The following TP63 variants were observed in gnomAD, a reference collection of about 807,000 sequenced individuals.
The protein encoded by TP63 is tumor protein p63, also known as tumor protein 63.
Under a neutral mutation model 82.8 loss-of-function variants are expected in TP63, and 17 were observed. The ratio of observed to expected loss-of-function variants is 0.21; its 90% CI spans 0.14 to 0.31. TP63 has a LOEUF of 0.31. TP63 is among the 10% of genes least tolerant of loss of function. The probability of loss-of-function intolerance (pLI) is 1.00; values close to 1 mark genes in which losing one functional copy is unlikely to be tolerated. For missense variants in TP63, 648 were observed against 895.3 expected (o/e 0.72, Z 3.52); for synonymous variants, 330 against 321.7 (o/e 1.03, Z -0.28).
At chr3:189,742,000 T>C (rs1044172253) in intron 3 of TP63, among the ~76,000 whole-genome samples, 2 of 152,058 alleles carry the variant, frequency 1.3e-5, no homozygotes, top group Admixed American at 6.6e-5. Flanking sequence ...CTCAGCACTT[T>C]GGGAGGCCGA....
At chr3:189,887,945 C>T (rs1720635721) in intron 11 of TP63, among the ~76,000 whole-genome samples, 1 of 151,866 alleles carries the variant, frequency 6.6e-6, no homozygotes, top group African/African-American at 2.4e-5. Flanking sequence ...TAATCTCTGC[C>T]TCCCAGGTTC....
intron 1 of TP63, among the ~76,000 whole-genome samples, chr3:189,702,537 G>A (rs1398964477): frequency 6.6e-6 from 1 of 152,136 alleles, no homozygotes; most frequent in Non-Finnish European, 1.5e-5. Flanking sequence ...CATTCCAAAT[G>A]TTTCCTCTCC....
chr3:189,641,164 A>G (rs1711835274), intron 1 of TP63, among the ~76,000 whole-genome samples: 1 of 152,148 alleles, frequency 6.6e-6, no homozygotes, highest in African/African-American at 2.4e-5. Context: ...TGAAAGCTAC[A>G]AAACTACTTA....
intron 4 of TP63, among the ~76,000 whole-genome samples, chr3:189,821,218 A>G (rs572777867): frequency 1.2e-4 from 18 of 152,342 alleles, no homozygotes; most frequent in African/African-American, 3.8e-4. Context: ...ATTTTCATAT[A>G]GAAGCATTTT....
chr3:189,786,523 A>G (rs1039887031), intron 3 of TP63, among the ~76,000 whole-genome samples: 1 of 151,770 alleles, frequency 6.6e-6, no homozygotes, highest in Non-Finnish European at 1.5e-5. Context: ...ACAGGAAAAT[A>G]TAGCACTTAT....
intron 3 of TP63, among the ~76,000 whole-genome samples, chr3:189,793,538 C>A (rs1180309017): frequency 6.6e-6 from 1 of 151,984 alleles, no homozygotes; most frequent in East Asian, 1.9e-4. Flanking sequence ...GGATTTGGAT[C>A]AAACAGTTGA....
chr3:189,666,733 G>T (rs1338375747), intron 1 of TP63, among the ~76,000 whole-genome samples: 5 of 152,088 alleles, frequency 3.3e-5, no homozygotes, highest in Non-Finnish European at 5.9e-5. Flanking sequence ...CAGTTTCTTG[G>T]AAGAAGTGAG....
chr3:189,779,121 T>C (rs1284254618), intron 3 of TP63, among the ~76,000 whole-genome samples: 1 of 152,204 alleles, frequency 6.6e-6, no homozygotes, highest in Non-Finnish European at 1.5e-5. Context: ...CTACAGTCTA[T>C]AGTTTCCCTT....
the TP63 span, among the ~76,000 whole-genome samples, chr3:189,625,409 G>A: frequency 2.0e-5 from 3 of 150,876 alleles, no homozygotes; most frequent in African/African-American, 7.3e-5. Flanking sequence ...TCTGTGTTAC[G>A]AAACACAAAG....
chr3:189,853,521 G>C (rs1715912789), intron 4 of TP63, among the ~76,000 whole-genome samples: 1 of 152,076 alleles, frequency 6.6e-6, no homozygotes, highest in South Asian at 2.1e-4. Flanking sequence ...ATATGGCCCA[G>C]CTCATTATTT....
At chr3:189,636,952 C>G (rs11720249) in intron 1 of TP63, among the ~76,000 whole-genome samples, 1 of 151,966 alleles carries the variant, frequency 6.6e-6, no homozygotes, top group African/African-American at 2.4e-5. Flanking sequence ...TTTTATTTTA[C>G]AATAATGTAT....
chr3:189,868,521 A>G, intron 7 of TP63, 59 bp from the exon 8 acceptor site: 1 of 1,603,592 alleles, frequency 6.2e-7, no homozygotes, highest in Non-Finnish European at 8.5e-7. Flanking sequence ...GTAGATCTTC[A>G]GGGGACTTTC....
At chr3:189,729,438 A>C (rs371228262) in intron 1 of TP63, among the ~76,000 whole-genome samples, 82 of 152,300 alleles carry the variant, frequency 5.4e-4, no homozygotes, top group African/African-American at 1.8e-3. Context: ...TCAGGAGAGA[A>C]AAGATTTCTG....
intron 5 of TP63, among the ~76,000 whole-genome samples, chr3:189,865,820 T>C (rs766556818): frequency 5.9e-5 from 9 of 152,234 alleles, no homozygotes; most frequent in Admixed American, 6.5e-5. Context: ...ATTATCAGCC[T>C]CCCTAACTTG....
chr3:189,802,191 TGTA>T (rs1389223549), intron 3 of TP63, among the ~76,000 whole-genome samples: 6 of 152,290 alleles, frequency 3.9e-5, no homozygotes, highest in Admixed American at 2.6e-4. Context: ...GGGATGGAAA[TGTA>T]GTACTCTCTG....
At chr3:189,880,175 A>G (rs770279467) in intron 10 of TP63, 4 of 1,612,372 alleles carry the variant, frequency 2.5e-6, no homozygotes, top group South Asian at 1.1e-5. Context: ...CAGTGTACCC[A>G]TAGAGCCCTA....
chr3:189,692,815 T>C (rs1717045693), intron 1 of TP63, among the ~76,000 whole-genome samples: 1 of 152,196 alleles, frequency 6.6e-6, no homozygotes, highest in South Asian at 2.1e-4. Context: ...ATCTGTTTAC[T>C]GAACTCCTTC....
intron 3 of TP63, among the ~76,000 whole-genome samples, chr3:189,800,669 C>T (rs1403789513): frequency 6.6e-6 from 1 of 151,936 alleles, no homozygotes; most frequent in African/African-American, 2.4e-5. Context: ...CTACCTTGGG[C>T]GAGTTACTTA....
At chr3:189,640,493 T>C (rs1711737321) in intron 1 of TP63, among the ~76,000 whole-genome samples, 1 of 152,146 alleles carries the variant, frequency 6.6e-6, no homozygotes, top group Admixed American at 6.5e-5. Flanking sequence ...GCAAATGTGG[T>C]CCATTGTAAA....
Sources: gnomAD v4.1 joint callset for allele counts (sites outside exome capture counted in the v4.1 genomes callset) on GRCh38, gnomAD v4.1.1 for gene constraint, MANE v1.5 for transcripts, NCBI Gene and HGNC (gene_info 2026-07-23, HGNC 2026-07-21) for gene names.